The following CSF2RA variants were observed in gnomAD, a reference collection of about 807,000 sequenced individuals.
CSF2RA encodes colony stimulating factor 2 receptor subunit alpha, also known as granulocyte-macrophage colony-stimulating factor receptor subunit alpha.
Under a neutral mutation model 51.6 loss-of-function variants are expected in CSF2RA, and 42 were observed. The ratio of observed to expected loss-of-function variants is 0.81; its 90% CI spans 0.64 to 1.05. CSF2RA has a LOEUF of 1.05. CSF2RA is among the 50% of genes least tolerant of loss of function. The pLI is 0.00. For synonymous variants in CSF2RA, 222 were observed against 193.0 expected (o/e 1.15, Z -1.24); for missense variants, 530 against 501.1 (o/e 1.06, Z -0.55).
At position 1,300,580 on chromosome X, in the gene CSF2RA, C is replaced by T. The variant is rs369124146; in HGVS notation, c.900C>T (p.Asp300=). 4.6e-5 allele frequency: 75 copies of T among 1,613,938 alleles called. No individual in the cohort carries two copies. The highest frequency in any genetic ancestry group is 3.0e-4 in the Admixed American group (18 of 60,002). ...ACAGTGTGAAGATCAGAGCTGCAGA[C>T]GTCCGCATCTTGAATTGGAGCTCCT... ...AKHSVKIRAA[D]VRILNWSSWS... The change falls in exon 10 of 13, where the codon GAC becomes GAT. Residue 300 remains aspartate (D), a synonymous_variant. Coordinates refer to ENST00000381529, the MANE Select transcript of CSF2RA (RefSeq NM_172245.4).
chrX:1,288,728 T>C, intron 5 of CSF2RA, 31 bp from the exon 6 acceptor site: 1 of 1,613,764 alleles, frequency 6.2e-7, no homozygotes. Context: ...AACTTCGGAG[T>C]GAAAATTATT....
At chrX:1,305,016 T>C (rs1164213659) in intron 11 of CSF2RA, among the ~76,000 whole-genome samples, 2 of 134,818 alleles carry the variant, frequency 1.5e-5, no homozygotes, top group African/African-American at 2.8e-5. Flanking sequence ...TTTTTTGAGA[T>C]GGAGTCTCAC....
At chrX:1,289,758 G>C (rs1401492790) in intron 6 of CSF2RA, among the ~76,000 whole-genome samples, 2 of 126,454 alleles carry the variant, frequency 1.6e-5, no homozygotes, top group Non-Finnish European at 3.4e-5. Flanking sequence ...GTTTGTTTTT[G>C]TTTTGTGTTT....
chrX:1,317,783 C>T, the CSF2RA span, among the ~76,000 whole-genome samples: 59 of 151,746 alleles, frequency 3.9e-4, 1 homozygote, highest in Middle Eastern at 6.8e-3. Context: ...TGGATCTTCT[C>T]TCCTGGAGTG....
intron 8 of CSF2RA, among the ~76,000 whole-genome samples, chrX:1,294,784 CAGA>C (rs2091754113): frequency 7.8e-6 from 1 of 128,088 alleles, no homozygotes. Flanking sequence ...GCAGTGTAGA[CAGA>C]AGGAGACCCT....
intron 2 of CSF2RA, among the ~76,000 whole-genome samples, chrX:1,278,410 G>C (rs1336683095): frequency 6.7e-6 from 1 of 150,020 alleles, no homozygotes; most frequent in Non-Finnish European, 1.5e-5. Context: ...CCAGAGGCCA[G>C]GTGCAGTGGC....
downstream of CSF2RA, among the ~76,000 whole-genome samples, chrX:1,312,867 C>G (rs2084246206): frequency 3.3e-5 from 5 of 152,018 alleles, no homozygotes; most frequent in South Asian, 1.0e-3. Context: ...GAACCTTCTA[C>G]CCCTGACCTT....
chrX:1,301,095 C>G lies in CSF2RA; in HGVS notation c.946+469C>G, dbSNP rs372398035. On this transcript the variant is annotated intron_variant, in intron 10 of 12. Coordinates refer to ENST00000381529, the MANE Select transcript of CSF2RA (RefSeq NM_172245.4). ...TTGAACCCAGGAGGCGGAGGTTGCA[C>G]TGAGCTGGGATCACGCCATTGCACT... is the stretch of plus-strand genomic sequence containing the variant. Among the ~76,000 whole-genome samples the G allele has an allele frequency of 1.2e-3, 185 of 148,362 alleles. 5 individuals are homozygous for G. In the South Asian group the frequency reaches 0.039, roughly 31 times the overall value.
intron 2 of CSF2RA, among the ~76,000 whole-genome samples, chrX:1,280,850 CCTT>C (rs199890073): frequency 0.3 from 23,945 of 79,120 alleles, 3,629 homozygotes; most frequent in East Asian, 0.57. Context: ...TCCTTCCTCT[CCTT>C]CTCCTCCTCC....
At chrX:1,293,462 T>G (rs190883424) in intron 7 of CSF2RA, among the ~76,000 whole-genome samples, 1,996 of 152,120 alleles carry the variant, frequency 0.013, 59 homozygotes, top group African/African-American at 0.046. Flanking sequence ...CTCGTGATCC[T>G]CCCGCCTCGG....
intron 9 of CSF2RA, among the ~76,000 whole-genome samples, chrX:1,299,028 C>T (rs1359158065): frequency 2.0e-5 from 3 of 152,158 alleles, no homozygotes; most frequent in Non-Finnish European, 2.9e-5. Context: ...GGGGTGGACA[C>T]GGTGGATCCT....
downstream of CSF2RA, among the ~76,000 whole-genome samples, chrX:1,311,474 G>A (rs779563605): frequency 1.8e-3 from 264 of 149,998 alleles, 1 homozygote; most frequent in African/African-American, 5.7e-3. Context: ...TTGCTTTGTC[G>A]CCAGGCTGGA....
In CSF2RA at chrX:1,305,408, G is replaced by A. The variant is rs187047835; in HGVS notation, c.1044-38G>A. 5.2e-5 allele frequency: 83 copies of A among 1,608,958 alleles called. No individual in the cohort carries two copies. In the Admixed American group the frequency reaches 7.2e-4, roughly 14 times the overall value. ...TTGATGGAAGGAACTCTGGTGACCC[G>A]GGGTTCATTCTCTTCACACTTTTTC... is the stretch of plus-strand genomic sequence containing the variant. On this transcript the variant is annotated intron_variant, in intron 11 of 12. Transcript: ENST00000381529.
intron 1 of CSF2RA, among the ~76,000 whole-genome samples, chrX:1,269,383 G>C (rs760066203): frequency 1.5e-4 from 23 of 152,236 alleles, no homozygotes; most frequent in African/African-American, 5.5e-4. Context: ...CACTTTGGGA[G>C]ACTGAGGCGG....
intron 5 of CSF2RA, 51 bp downstream of exon 5, chrX:1,288,693 G>T: frequency 6.2e-7 from 1 of 1,613,814 alleles, no homozygotes; most frequent in Non-Finnish European, 8.5e-7. Context: ...CCACCACCCC[G>T]CCAGCATCAA....
chrX:1,298,074 C>T (rs1404059862), intron 9 of CSF2RA, among the ~76,000 whole-genome samples: 1 of 21,248 alleles, frequency 4.7e-5, no homozygotes, highest in Non-Finnish European at 9.6e-5. Context: ...ATTCAGGAGC[C>T]GTAGTGTGAC....
At chrX:1,278,945 T>G (rs760891800) in intron 2 of CSF2RA, among the ~76,000 whole-genome samples, 1 of 149,770 alleles carries the variant, frequency 6.7e-6, no homozygotes, top group African/African-American at 2.5e-5. Flanking sequence ...GCTGAGGCAG[T>G]AGAATCACTT....
intron 4 of CSF2RA, among the ~76,000 whole-genome samples, chrX:1,287,636 G>C (rs1343821919): frequency 1.4e-5 from 2 of 143,424 alleles, no homozygotes; most frequent in Admixed American, 7.1e-5. Context: ...TAGAGACGGG[G>C]TTTCACCATG....
Position 1,308,404 on chromosome X carries a change from G to C in CSF2RA, c.1126-998G>C, listed in dbSNP as rs779469939. ...GGAAAGAGAGACAGAGAGGGAGACA[G>C]AGAAAAGAGGCAGAGAGACCGAGAG... On this transcript the variant is annotated intron_variant, in intron 12 of 12. Coordinates refer to ENST00000381529, the MANE Select transcript of CSF2RA (RefSeq NM_172245.4). 3.3e-5 allele frequency among the ~76,000 whole-genome samples: 5 copies of C among 152,236 alleles called. No homozygotes were observed. The South Asian group carries it at 6.2e-4, about 19-fold the overall frequency.
Sources: allele counts gnomAD v4.1 joint callset (sites outside exome capture counted in the v4.1 genomes callset), GRCh38; gene constraint gnomAD v4.1.1; transcripts MANE v1.5; gene names NCBI Gene and HGNC (gene_info 2026-07-23, HGNC 2026-07-21).